The following YEATS2 variants were observed in gnomAD, a reference collection of about 807,000 sequenced individuals.
YEATS2 encodes the protein YEATS domain-containing protein 2.
A neutral mutation model predicts 163.2 loss-of-function variants in YEATS2; 77 were observed. That is an observed-to-expected ratio of 0.47 (90% CI 0.39 to 0.57). The LOEUF (loss-of-function observed/expected upper bound fraction) is 0.57, where lower values mean the gene tolerates loss of function less well. Among genes scored for constraint, YEATS2 ranks in the 20% least tolerant of loss-of-function variants. The pLI is 0.00. For missense variants in YEATS2, 1,549 were observed against 1,729.8 expected (o/e 0.90, Z 1.85); for synonymous variants, 631 against 645.1 (o/e 0.98, Z 0.33).
chr3:183,806,869 G>A lies in YEATS2; in HGVS notation c.3788G>A (p.Cys1263Tyr), dbSNP rs1390214777. Reference protein sequence around the residue: ...VLTQIDSEPECPSSFSSADNL... With the variant: ...VLTQIDSEPEYPSSFSSADNL... ...ACACTGCTTGCCTGTCATTTAGAGT[G>A]CCCATCATCATTCTCCTCTGCTGAC... The change falls in exon 28 of 31, where the codon TGC becomes TAC. Residue 1263 changes from cysteine to tyrosine, a missense_variant. By Grantham distance (194) the Cys-to-Tyr change is radical. Transcript: ENST00000305135. 7 of 1,613,766 alleles carry A rather than the reference G, an allele frequency of 4.3e-6. No individual in the cohort carries two copies. The highest frequency in any genetic ancestry group is 4.5e-5 in the East Asian group (2 of 44,882).
chr3:183,806,569 A>C, intron 27 of YEATS2: 2 of 451,390 alleles, frequency 4.4e-6, no homozygotes, highest in Admixed American at 3.2e-5. Flanking sequence ...GTCAGTCCTT[A>C]ATACTCAGAG....
Position 183,787,475 on chromosome 3 carries a change from C to A in YEATS2, c.2913+1174C>A, listed in dbSNP as rs755637922. ...ATTCCCTGTTAATGATATTGAGCAT[C>A]TTTTCACGTATTTATTGGCTATTTG... On this transcript the variant is annotated intron_variant, in intron 20 of 30. Transcript: ENST00000305135. 1.1e-4 allele frequency among the ~76,000 whole-genome samples: 17 copies of A among 152,106 alleles called. No individual in the cohort carries two copies. In the East Asian group the frequency reaches 1.2e-3, roughly 10 times the overall value.
rs1560244258 is a variant in YEATS2 at position 183,730,052 on chromosome 3, G to GTTTGTTTTTTTTTTTT, written c.812+1204_812+1205insGTTTTTTTTTTTTTTT. 1.9e-4 allele frequency among the ~76,000 whole-genome samples: 8 copies of GTTTGTTTTTTTTTTTT among 41,720 alleles called. 1 individual carries two copies. The highest frequency in any genetic ancestry group is 8.5e-4 in the Admixed American group (2 of 2,340). The allele number at this position is 41,720 out of a possible 152,430, so 27.4% of individuals were successfully genotyped here. The stretch of plus-strand genomic sequence containing the variant: ...ATATTAATTGTGTGGTTTTTTGTTT[G>GTTTGTTTTTTTTTTTT]TTTTTTTTTTTTTTTTTTTTTTTTT... On this transcript the variant is annotated intron_variant, in intron 7 of 30. Transcript: ENST00000305135.
chr3:183,810,599 C>G lies in YEATS2; in HGVS notation c.*16C>G. ...GGACCAGTGAGCGGAGTGAGGTGCC[C>G]TGGAGAAGCAGGCTTTGAAGGCACA... is the stretch of plus-strand genomic sequence containing the variant. On this transcript the variant is annotated 3_prime_UTR_variant, in exon 31 of 31. Coordinates refer to ENST00000305135, the MANE Select transcript of YEATS2 (RefSeq NM_018023.5). The G allele has an allele frequency of 1.2e-6, 2 of 1,609,402 alleles. No homozygotes were observed. Among genetic ancestry groups the G allele is most frequent in the Non-Finnish European group, 1.7e-6 (2 of 1,176,132 alleles).
intron 5 of YEATS2, 140 bp downstream of exon 5, chr3:183,722,276 A>ATATTT: frequency 1.7e-6 from 1 of 584,284 alleles, no homozygotes; most frequent in Non-Finnish European, 2.4e-6. Flanking sequence ...GGGAAACCAA[A>ATATTT]TCTTTTTTTT....
chr3:183,796,986 T>C (rs1291695475), intron 21 of YEATS2, among the ~76,000 whole-genome samples: 1 of 152,000 alleles, frequency 6.6e-6, no homozygotes, highest in African/African-American at 2.4e-5. Context: ...ATCCCAGTGC[T>C]GGCCAGGCGC....
At chr3:183,785,211 G>C (rs1341843570) in intron 19 of YEATS2, among the ~76,000 whole-genome samples, 1 of 151,966 alleles carries the variant, frequency 6.6e-6, no homozygotes. Context: ...GTTTGGCCGG[G>C]TGCGGTGGCT....
In YEATS2 at chr3:183,718,573, G is replaced by C; in HGVS notation, c.272G>C (p.Gly91Ala). 2 of 1,612,462 alleles carry C rather than the reference G, an allele frequency of 1.2e-6. No homozygotes were observed. Among genetic ancestry groups the C allele is most frequent in the Non-Finnish European group, 1.7e-6 (2 of 1,179,452 alleles). Residue 91 changes from glycine to alanine, a missense_variant, in exon 4 of 31, where the codon GGT (glycine) becomes GCT (alanine). Physicochemically the swap from Gly to Ala is moderately conservative, Grantham distance 60 (BLOSUM62 0). Transcript: ENST00000305135. ...CIVANYYASA[G>A]LLKVSEGSKT... ...GTAGCAAACTACTATGCTTCTGCAGGTCTTCTAAAAGTTTCTGAGGTAAGC... is the reference window on the plus strand; with the variant it reads ...GTAGCAAACTACTATGCTTCTGCAGCTCTTCTAAAAGTTTCTGAGGTAAGC...
At chr3:183,716,022 T>A (rs545450456) in intron 2 of YEATS2, among the ~76,000 whole-genome samples, 3 of 152,044 alleles carry the variant, frequency 2.0e-5, no homozygotes, top group Non-Finnish European at 4.4e-5. Flanking sequence ...TGCAGTGGCG[T>A]GATCTCGGCT....
chr3:183,701,796 C>T (rs1471030370), intron 1 of YEATS2, among the ~76,000 whole-genome samples: 1 of 152,146 alleles, frequency 6.6e-6, no homozygotes, highest in African/African-American at 2.4e-5. Context: ...ACATAACAAT[C>T]GCCAGTAGAA....
chr3:183,759,291 C>T (rs1020677863), intron 13 of YEATS2, among the ~76,000 whole-genome samples: 1 of 152,234 alleles, frequency 6.6e-6, no homozygotes, highest in Non-Finnish European at 1.5e-5. Context: ...TTACTTGGAT[C>T]TACTCCAGAC....
intron 8 of YEATS2, among the ~76,000 whole-genome samples, chr3:183,743,008 T>G (rs1719137575): frequency 6.6e-6 from 1 of 152,244 alleles, no homozygotes; most frequent in Non-Finnish European, 1.5e-5. Flanking sequence ...ATTATTTTGT[T>G]AAACATAATG....
At chr3:183,729,196 A>C (rs1031174185) in intron 7 of YEATS2, among the ~76,000 whole-genome samples, 11 of 151,328 alleles carry the variant, frequency 7.3e-5, no homozygotes, top group Admixed American at 2.6e-4. Flanking sequence ...GGCGTGAACC[A>C]GGGAGGCGGA....
chr3:183,745,949 A>G (rs1719493208), intron 8 of YEATS2, among the ~76,000 whole-genome samples: 1 of 152,162 alleles, frequency 6.6e-6, no homozygotes, highest in Non-Finnish European at 1.5e-5. Context: ...CTCCCGCATC[A>G]TCCTCCTGAG....
chr3:183,715,379 G>A (rs1326428946), intron 2 of YEATS2, 117 bp downstream of exon 2: 1 of 720,416 alleles, frequency 1.4e-6, no homozygotes, highest in East Asian at 2.7e-5. Context: ...AGGGGTTCGT[G>A]AGAGAGATTA....
At chr3:183,780,221 C>G (rs1245919273) in intron 19 of YEATS2, among the ~76,000 whole-genome samples, 1 of 152,100 alleles carries the variant, frequency 6.6e-6, no homozygotes, top group Non-Finnish European at 1.5e-5. Context: ...ATATCTCACA[C>G]CAACACAGCA....
chr3:183,698,064 G>GGGGCGGCGC (rs1713660399), intron 1 of YEATS2, 71 bp downstream of exon 1: 1 of 152,226 alleles, frequency 6.6e-6, no homozygotes, highest in Non-Finnish European at 1.5e-5. Context: ...TGTTTGGGCG[G>GGGGCGGCGC]GGGCGGCGCG....
rs773559586 is a variant in YEATS2, at chr3:183,810,453, C to T, written c.4161-22C>T. 2.5e-6 allele frequency: 4 copies of T among 1,592,844 alleles called. No homozygotes were observed. The Admixed American group carries it at 5.0e-5, about 20-fold the overall frequency. ...TACGTGAGAGAATTTCACCTGGTAA[C>T]ACCCTTTGTTTTTTGGACCAGGATT... On this transcript the variant is annotated intron_variant, in intron 30 of 30. Coordinates refer to ENST00000305135, the MANE Select transcript of YEATS2 (RefSeq NM_018023.5).
chr3:183,764,368 TAAAAAAAAA>T (rs11452949), intron 15 of YEATS2, among the ~76,000 whole-genome samples: 4 of 105,228 alleles, frequency 3.8e-5, no homozygotes, highest in African/African-American at 7.4e-5. Context: ...AAACTCTGTT[TAAAAAAAAA>T]AAAAAAAAAA....
Sources: allele counts gnomAD v4.1 joint callset (sites outside exome capture counted in the v4.1 genomes callset), GRCh38; gene constraint gnomAD v4.1.1; transcripts MANE v1.5; gene names NCBI Gene and HGNC (gene_info 2026-07-23, HGNC 2026-07-21).